The following FSHR variants were observed in gnomAD, a reference collection of about 807,000 sequenced individuals.
The protein encoded by FSHR is follicle stimulating hormone receptor, also known as follicle-stimulating hormone receptor.
In FSHR, 46 loss-of-function variants were observed where a neutral mutation model predicts 52.1. That is an observed-to-expected ratio of 0.88 (90% CI 0.70 to 1.13). FSHR has a LOEUF of 1.13. FSHR is among the 50% of genes most tolerant of loss of function. The pLI is 0.00. For missense variants in FSHR, 964 were observed against 834.6 expected, an observed-to-expected ratio of 1.16 and a Z score of -1.91; for synonymous variants, 399 against 309.6, an observed-to-expected ratio of 1.29 and a Z score of -3.03.
At chr2:49,144,376 G>C (rs1042673736) in intron 1 of FSHR, among the ~76,000 whole-genome samples, 2 of 152,064 alleles carry the variant, frequency 1.3e-5, no homozygotes, top group African/African-American at 2.4e-5. Flanking sequence ...TATCTGACTA[G>C]CATAACTATT....
chr2:49,127,614 C>G (rs184443301), intron 1 of FSHR, among the ~76,000 whole-genome samples: 1 of 151,910 alleles, frequency 6.6e-6, no homozygotes, highest in African/African-American at 2.4e-5. Flanking sequence ...TACTGACATC[C>G]GCACGATGAA....
intron 1 of FSHR, among the ~76,000 whole-genome samples, chr2:49,124,345 TG>T (rs1363787630): frequency 1.3e-5 from 2 of 152,056 alleles, no homozygotes; most frequent in Non-Finnish European, 2.9e-5. Flanking sequence ...GGGCAAGGGA[TG>T]GGCAAAAGTT....
intron 8 of FSHR, among the ~76,000 whole-genome samples, chr2:48,981,347 G>C (rs1339909731): frequency 1.3e-5 from 2 of 152,178 alleles, no homozygotes; most frequent in Non-Finnish European, 2.9e-5. Context: ...CATGGCACAA[G>C]ACTGATGCTT....
In FSHR at chr2:49,013,517, A is replaced by T. The variant is rs1264488985; in HGVS notation, c.374+3972T>A. On this transcript the variant is annotated intron_variant, in intron 4 of 9. Transcript: ENST00000406846. ...ATATATATAAATATATATATATATA[A>T]ATATATATAAAAATATATATATAAA... Among the ~76,000 whole-genome samples, 52 of 133,152 alleles carry T rather than the reference A, an allele frequency of 3.9e-4. No homozygotes were observed. In the Admixed American group the frequency reaches 3.9e-3, roughly 10 times the overall value. 87.4% of individuals were successfully genotyped at this position (133,152 alleles called of 152,430 possible).
intron 1 of FSHR, among the ~76,000 whole-genome samples, chr2:49,070,721 A>G (rs1669699068): frequency 6.6e-6 from 1 of 152,190 alleles, no homozygotes; most frequent in Non-Finnish European, 1.5e-5. Context: ...AGTAGTTCAA[A>G]CTTATTAACA....
rs1671214518 is a variant in FSHR, at chr2:49,106,220, C to T, written c.153-37930G>A. On this transcript the variant is annotated intron_variant, in intron 1 of 9. Transcript: ENST00000406846. ...GCCTTAATGCTTAACAACAAGATGA[C>T]ATTTGAAGTGCAAACACTGCAGGGA... 2.0e-5 allele frequency among the ~76,000 whole-genome samples: 3 copies of T among 152,264 alleles called. 1 individual carries two copies. Among genetic ancestry groups the T allele is most frequent in the South Asian group, 4.1e-4 (2 of 4,824 alleles).
At chr2:49,058,399 T>C (rs745480197) in intron 2 of FSHR, among the ~76,000 whole-genome samples, 1 of 151,832 alleles carries the variant, frequency 6.6e-6, no homozygotes, top group Non-Finnish European at 1.5e-5. Flanking sequence ...TACAAAAAAT[T>C]AGCCAGGCAT....
intron 1 of FSHR, among the ~76,000 whole-genome samples, chr2:49,136,842 A>G (rs1334861973): frequency 6.6e-6 from 1 of 152,138 alleles, no homozygotes; most frequent in Non-Finnish European, 1.5e-5. Context: ...ATACTTAACA[A>G]AAATAGAAGG....
intron 1 of FSHR, among the ~76,000 whole-genome samples, chr2:49,144,076 C>G (rs978900860): frequency 2.0e-5 from 3 of 152,070 alleles, no homozygotes; most frequent in African/African-American, 4.8e-5. Context: ...CTTGAGGATG[C>G]CAGGTGCCAC....
chr2:49,129,661 T>A (rs1448370635), intron 1 of FSHR, among the ~76,000 whole-genome samples: 1 of 152,182 alleles, frequency 6.6e-6, no homozygotes, highest in Non-Finnish European at 1.5e-5. Context: ...AATCTCAAGA[T>A]ACTAACTGAA....
chr2:48,969,153 G>T (rs1674619131), intron 8 of FSHR, among the ~76,000 whole-genome samples: 1 of 152,108 alleles, frequency 6.6e-6, no homozygotes, highest in Non-Finnish European at 1.5e-5. Context: ...GGCTAATTTG[G>T]GGCCTAAGTG....
rs139305589 is a variant in FSHR, at chr2:49,046,770, C to T, written c.224+21449G>A. 4.2e-3 allele frequency among the ~76,000 whole-genome samples: 638 copies of T among 152,214 alleles called. 4 individuals carry two copies. Among genetic ancestry groups the T allele is most frequent in the African/African-American group, 0.013 (531 of 41,524 alleles). On this transcript the variant is annotated intron_variant, in intron 2 of 9. Transcript: ENST00000406846. ...ATTTGTTGAATCATTGATTGGTGGA[C>T]GGATTATGCTTCTCTTAGTTGGCTT...
intron 2 of FSHR, among the ~76,000 whole-genome samples, chr2:49,046,875 C>A (rs1297652758): frequency 3.3e-5 from 5 of 152,146 alleles, no homozygotes; most frequent in Non-Finnish European, 7.3e-5. Context: ...GTGTACTCAG[C>A]CCAAGGAAGC....
chr2:48,971,015 T>C (rs777785671), intron 8 of FSHR, among the ~76,000 whole-genome samples: 13 of 152,170 alleles, frequency 8.5e-5, no homozygotes, highest in Non-Finnish European at 1.8e-4. Context: ...CTCATGACCA[T>C]CTATTGCAAT....
At chr2:49,141,975 T>A (rs1234762945) in intron 1 of FSHR, among the ~76,000 whole-genome samples, 1 of 152,226 alleles carries the variant, frequency 6.6e-6, no homozygotes, top group Non-Finnish European at 1.5e-5. Flanking sequence ...CAGTAATAGC[T>A]ACAGTGCAAA....
At chr2:49,078,362 C>T (rs1221315248) in intron 1 of FSHR, among the ~76,000 whole-genome samples, 2 of 152,224 alleles carry the variant, frequency 1.3e-5, no homozygotes, top group African/African-American at 2.4e-5. Flanking sequence ...ATTCAATTAC[C>T]TCCCACCAGG....
At chr2:49,067,216 A>G (rs547245686) in intron 2 of FSHR, among the ~76,000 whole-genome samples, 6 of 152,260 alleles carry the variant, frequency 3.9e-5, no homozygotes, top group Non-Finnish European at 7.4e-5. Context: ...CACTGAAACC[A>G]GGATTCTGAC....
chr2:48,998,830 G>A (rs1293222424), intron 4 of FSHR, among the ~76,000 whole-genome samples: 1 of 152,000 alleles, frequency 6.6e-6, no homozygotes, highest in Non-Finnish European at 1.5e-5. Flanking sequence ...TTTAGTGAGA[G>A]CAAAACAGGA....
chr2:49,066,584 T>A (rs1211827700), intron 2 of FSHR, among the ~76,000 whole-genome samples: 3 of 152,078 alleles, frequency 2.0e-5, no homozygotes, highest in Admixed American at 2.0e-4. Flanking sequence ...CTGTGCCAGT[T>A]CAGGATGATT....
Sources: gnomAD v4.1 joint callset for allele counts (sites outside exome capture counted in the v4.1 genomes callset) on GRCh38, gnomAD v4.1.1 for gene constraint, MANE v1.5 for transcripts, NCBI Gene and HGNC (gene_info 2026-07-23, HGNC 2026-07-21) for gene names.